Variants in PDE1C observed in about 807,000 individuals in gnomAD.
The protein encoded by PDE1C is dual specificity calcium/calmodulin-dependent 3',5'-cyclic nucleotide phosphodiesterase 1C.
In PDE1C, 62 loss-of-function variants were observed where a neutral mutation model predicts 93.1. That is an observed-to-expected ratio of 0.67 (90% CI 0.54 to 0.82). PDE1C has a LOEUF of 0.82. PDE1C is among the 40% of genes least tolerant of loss of function. The pLI is 0.00. For synonymous variants in PDE1C, 325 were observed against 310.1 expected (o/e 1.05, Z -0.50); for missense variants, 742 against 884.6 (o/e 0.84, Z 2.04).
intron 3 of PDE1C, among the ~76,000 whole-genome samples, chr7:32,107,571 A>C (rs2128753341): frequency 6.6e-6 from 1 of 152,354 alleles, no homozygotes; most frequent in African/African-American, 2.4e-5. Context: ...ACTCTTCAAA[A>C]GTGAAGAACA....
At chr7:32,041,079 C>T (rs6970922) in intron 2 of PDE1C, among the ~76,000 whole-genome samples, 3,455 of 152,216 alleles carry the variant, frequency 0.023, 142 homozygotes, top group African/African-American at 0.078. Flanking sequence ...GTACTGAAGT[C>T]CCAAGACTTC....
chr7:31,654,272 G>A, the PDE1C span, among the ~76,000 whole-genome samples: 1 of 152,138 alleles, frequency 6.6e-6, no homozygotes, highest in Non-Finnish European at 1.5e-5. Flanking sequence ...AACATTCAAA[G>A]CAGAAGGAAT....
At chr7:31,862,948 G>T (rs1284174380) in intron 7 of PDE1C, among the ~76,000 whole-genome samples, 1 of 152,038 alleles carries the variant, frequency 6.6e-6, no homozygotes, top group Admixed American at 6.6e-5. Context: ...TTACAAAATT[G>T]TCTTTTCTAA....
At chr7:32,080,115 G>C (rs112552465) in intron 3 of PDE1C, among the ~76,000 whole-genome samples, 2,411 of 152,254 alleles carry the variant, frequency 0.016, 57 homozygotes, top group African/African-American at 0.055. Flanking sequence ...GGCTTATAAG[G>C]AGCTAAGTTG....
intron 1 of PDE1C, among the ~76,000 whole-genome samples, chr7:32,262,005 ATTTTTT>A (rs11325736): frequency 6.0e-4 from 54 of 89,740 alleles, no homozygotes; most frequent in Middle Eastern, 6.3e-3. Flanking sequence ...TTGCTTTGGG[ATTTTTT>A]TTTTTTTTTT....
chr7:31,734,375 G>C, the PDE1C span, among the ~76,000 whole-genome samples: 5 of 152,194 alleles, frequency 3.3e-5, no homozygotes, highest in Non-Finnish European at 5.9e-5. Context: ...TAGCAAAAGA[G>C]TCTCTTGGCT....
At chr7:31,643,404 G>A in the PDE1C span, 1 of 1,613,892 alleles carries the variant, frequency 6.2e-7, no homozygotes, top group Non-Finnish European at 8.5e-7. Context: ...CCCAGGTGAA[G>A]TCAAGGTCTG....
chr7:31,706,298 C>A, the PDE1C span, among the ~76,000 whole-genome samples: 1 of 151,940 alleles, frequency 6.6e-6, no homozygotes, highest in Admixed American at 6.6e-5. Flanking sequence ...AGCCACCACA[C>A]CCGGCCCAGT....
intron 1 of PDE1C, among the ~76,000 whole-genome samples, chr7:32,323,198 G>T (rs564782207): frequency 6.2e-4 from 95 of 152,272 alleles, no homozygotes; most frequent in Non-Finnish European, 1.1e-3. Flanking sequence ...AAAGAATGTT[G>T]TGCTGGTAAA....
At chr7:32,038,410 T>C (rs1410808587) in intron 2 of PDE1C, among the ~76,000 whole-genome samples, 1 of 152,146 alleles carries the variant, frequency 6.6e-6, no homozygotes, top group Non-Finnish European at 1.5e-5. Flanking sequence ...TCTGTGGCCA[T>C]TAATTTTTAT....
intron 3 of PDE1C, among the ~76,000 whole-genome samples, chr7:32,164,058 T>C (rs966313366): frequency 4.6e-5 from 7 of 152,218 alleles, no homozygotes; most frequent in Non-Finnish European, 1.0e-4. Context: ...TGCAAATTCA[T>C]ACTTGTGGGA....
At chr7:32,311,839 T>G (rs189831082) in intron 1 of PDE1C, among the ~76,000 whole-genome samples, 5 of 152,196 alleles carry the variant, frequency 3.3e-5, no homozygotes, top group South Asian at 2.1e-4. Context: ...CTTTTAAAAC[T>G]GGCACAAGAC....
intron 1 of PDE1C, among the ~76,000 whole-genome samples, chr7:32,305,594 T>A (rs957725245): frequency 6.6e-6 from 1 of 152,090 alleles, no homozygotes; most frequent in African/African-American, 2.4e-5. Flanking sequence ...TCCCTTGGGG[T>A]GTTAGGGGAG....
intron 2 of PDE1C, among the ~76,000 whole-genome samples, chr7:31,904,647 T>C (rs1041897122): frequency 6.6e-6 from 1 of 151,776 alleles, no homozygotes; most frequent in Non-Finnish European, 1.5e-5. Flanking sequence ...GTCCATCATT[T>C]CTCTAAAGAA....
chr7:32,114,976 G>A (rs763932491), intron 3 of PDE1C, among the ~76,000 whole-genome samples: 5 of 152,124 alleles, frequency 3.3e-5, no homozygotes, highest in Admixed American at 6.5e-5. Flanking sequence ...AGATGCTGGC[G>A]AGGCTATGGA....
chr7:31,618,633 TG>T, the PDE1C span, among the ~76,000 whole-genome samples: 1 of 152,172 alleles, frequency 6.6e-6, no homozygotes, highest in African/African-American at 2.4e-5. Context: ...CCTCCATTAA[TG>T]GGGTCACAAT....
At chr7:31,984,872 T>A (rs532131829) in intron 2 of PDE1C, among the ~76,000 whole-genome samples, 12 of 152,136 alleles carry the variant, frequency 7.9e-5, no homozygotes, top group Non-Finnish European at 1.6e-4. Flanking sequence ...TCCAGCAAAC[T>A]AACAAATTGG....
At chr7:32,100,341 C>T (rs957486114) in intron 3 of PDE1C, among the ~76,000 whole-genome samples, 1 of 152,130 alleles carries the variant, frequency 6.6e-6, no homozygotes, top group Non-Finnish European at 1.5e-5. Context: ...TCTAGTTGTC[C>T]CCATTAGTCA....
rs1554513895 is a variant in PDE1C, at chr7:32,147,329, A to AAAGAAAGAAAGG, written c.308+22455_308+22456insCCTTTCTTTCTT. 3.3e-4 allele frequency among the ~76,000 whole-genome samples: 48 copies of AAAGAAAGAAAGG among 144,092 alleles called. 2 individuals are homozygous for AAAGAAAGAAAGG. Among genetic ancestry groups the AAAGAAAGAAAGG allele is most frequent in the Non-Finnish European group, 3.6e-4 (23 of 64,290 alleles). 94.5% of individuals were successfully genotyped at this position (144,092 alleles called of 152,430 possible). The stretch of plus-strand genomic sequence containing the variant: ...GAAAGAAAGAAAGAAAGAAAGAAAG[A>AAAGAAAGAAAGG]AAGACGCTGTTTGTAGGTATGCTTT... On this transcript the variant is annotated intron_variant, in intron 3 of 18. Coordinates refer to the PDE1C transcript ENST00000396193.
Sources: allele counts gnomAD v4.1 joint callset (sites outside exome capture counted in the v4.1 genomes callset), GRCh38; gene constraint gnomAD v4.1.1; transcripts MANE v1.5; gene names NCBI Gene and HGNC (gene_info 2026-07-23, HGNC 2026-07-21).